The following TMEM81 variants were observed in gnomAD, a reference collection of about 807,000 sequenced individuals.
TMEM81 encodes transmembrane protein 81.
For missense variants in TMEM81, 294 were observed against 300.5 expected (o/e 0.98, Z 0.16); for synonymous variants, 132 against 119.1 (o/e 1.11, Z -0.71).
chr1:205,083,883 C>T lies in TMEM81; in HGVS notation c.438G>A (p.Lys146=), dbSNP rs764946923. 1.2e-6 allele frequency: 2 copies of T among 1,614,190 alleles called. No individual in the cohort carries two copies. The highest frequency in any genetic ancestry group is 1.7e-5 in the Admixed American group (1 of 60,034). Residue 146 remains lysine (K), a synonymous_variant, in exon 1 of 1, where the codon AAG becomes AAA. Transcript: ENST00000367167. ...AGTCATACTCCTGAGCATATTTAAA[C>T]TTCACAAAGTGGGAGTTGGCTTGAA... ...KPFQANSHFV[K]FKYAQEYDSG... is the part of the protein sequence containing the mutation.
Position 205,084,269 on chromosome 1 carries a change from A to G in TMEM81, c.52T>C (p.Tyr18His). ...GGTGTAGTCACCACCAAAGGCAGGT[A>G]GAAGGCCAACCCCAGGCTCCCAAGG... Reference protein sequence around the residue: ...FVLGSLGLAFYLPLVVTTPKT... With the variant: ...FVLGSLGLAFHLPLVVTTPKT... Residue 18 changes from tyrosine to histidine, a missense_variant, in exon 1 of 1, where the codon TAC becomes CAC. By Grantham distance (83) the Tyr-to-His change is moderately conservative. Coordinates refer to ENST00000367167, the MANE Select transcript of TMEM81 (RefSeq NM_203376.2). The G allele has an allele frequency of 6.2e-7, 1 of 1,614,114 alleles. No homozygotes were observed. The highest frequency in any genetic ancestry group is 8.5e-7 in the Non-Finnish European group (1 of 1,180,024).
chr1:205,084,414 A>G lies in TMEM81; in HGVS notation c.-94T>C, dbSNP rs1413164832. 2.2e-6 allele frequency: 3 copies of G among 1,333,668 alleles called. No homozygotes were observed. In the African/African-American group the frequency reaches 4.4e-5, roughly 20 times the overall value. The allele number at this position is 1,333,668 out of a possible 1,614,324, so 82.6% of individuals were successfully genotyped here. On this transcript the variant is annotated 5_prime_UTR_variant, in exon 1 of 1. Transcript: ENST00000367167. ...CATAACTTGATTCCTTTGACATGAG[A>G]TATCCTTCAAAGTCAAAAGATATGA...
chr1:205,084,087 G>T lies in TMEM81; in HGVS notation c.234C>A (p.Arg78=). Residue 78 remains arginine, a synonymous_variant, in exon 1 of 1, where the codon CGC becomes CGA. Coordinates refer to ENST00000367167, the MANE Select transcript of TMEM81 (RefSeq NM_203376.2). ...AGATCCAGTTGGTCAGACATTCTAA[G>T]CGCCGAGTCTGACATTTCCTTCTCA... The part of the protein sequence containing the change: ...DGVRRKCQTR[R]LECLTNWICG... 1 of 1,614,208 alleles carries T rather than the reference G, an allele frequency of 6.2e-7. No homozygotes were observed. The highest frequency in any genetic ancestry group is 8.5e-7 in the Non-Finnish European group (1 of 1,180,036).
rs201706224 is a variant in TMEM81 at position 205,083,588 on chromosome 1, C to T, written c.733G>A (p.Val245Ile). Residue 245 changes from valine (V) to isoleucine (I), a missense_variant, in exon 1 of 1, where the codon GTC becomes ATC. By Grantham distance (29) the Val-to-Ile change is conservative. Transcript: ENST00000367167. ...AGGCCCCCCCTTAGCGCACAGAGGA[C>T]AATCCTCACCAACACGCCACCAACC... ...GVVGGVLVRIVLCALRGGLQQ is the reference protein window; with the variant it reads ...GVVGGVLVRIILCALRGGLQQ 6.8e-6 allele frequency: 11 copies of T among 1,613,688 alleles called. No individual in the cohort carries two copies. The East Asian group carries it at 1.8e-4, about 26-fold the overall frequency.
In TMEM81 at chr1:205,084,000, T is replaced by C. The variant is rs1655070227; in HGVS notation, c.321A>G (p.Ser107=). ...CTTCCTGTCCAAACTCCAAGATGTC[T>C]GAACTCAGACAGCTAAGCTCAAATT... is the stretch of plus-strand genomic sequence containing the variant. ...GKEFELSCLS[S]DILEFGQEAF... is the part of the protein sequence containing the mutation. Residue 107 remains serine, a synonymous_variant, in exon 1 of 1, where the codon TCA becomes TCG. Transcript: ENST00000367167. The C allele has an allele frequency of 6.8e-6, 11 of 1,614,240 alleles. No individual in the cohort carries two copies. The highest frequency in any genetic ancestry group is 9.3e-6 in the Non-Finnish European group (11 of 1,180,046).
At position 205,084,034 on chromosome 1, in the gene TMEM81, A is replaced by G. The variant is rs1240684032; in HGVS notation, c.287T>C (p.Ile96Thr). The G allele has an allele frequency of 1.2e-6, 2 of 1,614,090 alleles. No individual in the cohort carries two copies. The highest frequency in any genetic ancestry group is 3.3e-5 in the Admixed American group (2 of 60,004). The change falls in exon 1 of 1, where the codon ATT becomes ACT. Residue 96 changes from isoleucine (I) to threonine (T), a missense_variant. Coordinates refer to ENST00000367167, the MANE Select transcript of TMEM81 (RefSeq NM_203376.2). The stretch of plus-strand genomic sequence containing the variant: ...ACAGCTAAGCTCAAATTCCTTGCCA[A>G]TGAGAATGGTGAAATGGAGCATCCC... ...ICGMLHFTIL[I>T]GKEFELSCLS... is the part of the protein sequence containing the mutation.
rs532869064 is a variant in TMEM81 at position 205,083,611 on chromosome 1, A to G, written c.710T>C (p.Val237Ala). 5 of 1,614,114 alleles carry G rather than the reference A, an allele frequency of 3.1e-6. No homozygotes were observed. The East Asian group carries it at 1.1e-4, about 36-fold the overall frequency. Residue 237 changes from valine to alanine, a missense_variant, in exon 1 of 1, where the codon GTT becomes GCT. Transcript: ENST00000367167. ...ALGIGIAIGV[V>A]GGVLVRIVLC... ...GACAATCCTCACCAACACGCCACCA[A>G]CCACTCCAATGGCAATTCCTATTCC...
In TMEM81 at chr1:205,083,792, C is replaced by CA; in HGVS notation, c.528dup (p.Gly177TrpfsTer8). 6 of 1,614,170 alleles carry CA rather than the reference C, an allele frequency of 3.7e-6. No individual in the cohort carries two copies. Among genetic ancestry groups the CA allele is most frequent in the Non-Finnish European group, 5.1e-6 (6 of 1,180,024 alleles). On this transcript the variant is annotated frameshift_variant, in exon 1 of 1. Transcript: ENST00000367167. LOFTEE classifies it low-confidence loss of function (END_TRUNC). ...AAGTTAGGAGGAAGGACCCTCAACC[C>CA]AAAATAGAGCCTCTTGACGAGTCTC...
Position 205,083,942 on chromosome 1 carries a change from C to T in TMEM81, c.379G>A (p.Val127Ile), listed in dbSNP as rs117579862. The T allele has an allele frequency of 4.9e-4, 789 of 1,614,212 alleles. 8 individuals carry two copies. The East Asian group carries it at 0.012, about 25-fold the overall frequency. ...AAGACCTCATCGTCAGTGGAGATGACACCTCGAGCAAGTCTCCAGGTGAAC... is the reference window on the plus strand; with the variant it reads ...AAGACCTCATCGTCAGTGGAGATGATACCTCGAGCAAGTCTCCAGGTGAAC... ...FRFTWRLARG[V>I]ISTDDEVFKP... The change falls in exon 1 of 1, where the codon GTC becomes ATC. Residue 127 changes from valine (V) to isoleucine (I), a missense_variant. By Grantham distance (29) the Val-to-Ile change is conservative (BLOSUM62 3). Coordinates refer to ENST00000367167, the MANE Select transcript of TMEM81 (RefSeq NM_203376.2).
In TMEM81 at chr1:205,084,294, G is replaced by A. The variant is rs1287107766; in HGVS notation, c.27C>T (p.Val9=). Reference sequence around the variant, plus strand: ...AGAAGGCCAACCCCAGGCTCCCAAGGACAAAACTAGTGGCTAAAACCTTCA... The same window carrying A: ...AGAAGGCCAACCCCAGGCTCCCAAGAACAAAACTAGTGGCTAAAACCTTCA... MKVLATSF[V]LGSLGLAFYL... is the part of the protein sequence containing the mutation. Residue 9 remains valine (V), a synonymous_variant, in exon 1 of 1, where the codon GTC becomes GTT. Coordinates refer to ENST00000367167, the MANE Select transcript of TMEM81 (RefSeq NM_203376.2). 2 of 1,613,702 alleles carry A rather than the reference G, an allele frequency of 1.2e-6. No individual in the cohort carries two copies. Among genetic ancestry groups the A allele is most frequent in the African/African-American group, 1.3e-5 (1 of 74,814 alleles).
chr1:205,084,075 C>A lies in TMEM81; in HGVS notation c.246G>T (p.Leu82=). ...GGAGCATCCCACAGATCCAGTTGGT[C>A]AGACATTCTAAGCGCCGAGTCTGAC... ...RKCQTRRLEC[L]TNWICGMLHF... The change falls in exon 1 of 1, where the codon CTG becomes CTT. Residue 82 remains leucine (L), a synonymous_variant. Coordinates refer to ENST00000367167, the MANE Select transcript of TMEM81 (RefSeq NM_203376.2). 6.2e-7 allele frequency: 1 copy of A among 1,614,214 alleles called. No homozygotes were observed. Among genetic ancestry groups the A allele is most frequent in the South Asian group, 1.1e-5 (1 of 91,082 alleles).
rs1367067687 is a variant in TMEM81 at position 205,083,946 on chromosome 1, TC to T, written c.374del (p.Arg125GlnfsTer21). On this transcript the variant is annotated frameshift_variant, in exon 1 of 1. Transcript: ENST00000367167. LOFTEE classifies it low-confidence loss of function (END_TRUNC). ...EAFRFTWRLARGVISTDDEVF... is the reference protein window; with the variant it reads ...EAFRFTWRLAXGVISTDDEVF... ...CCTCATCGTCAGTGGAGATGACACC[TC>T]GAGCAAGTCTCCAGGTGAACCGGAA... The T allele has an allele frequency of 2.5e-6, 4 of 1,614,162 alleles. No homozygotes were observed. The highest frequency in any genetic ancestry group is 3.4e-6 in the Non-Finnish European group (4 of 1,180,042).
chr1:205,083,784 C>T lies in TMEM81; in HGVS notation c.537G>A (p.Arg179=). 1 of 1,614,176 alleles carries T rather than the reference C, an allele frequency of 6.2e-7. No individual in the cohort carries two copies. Among genetic ancestry groups the T allele is most frequent in the South Asian group, 1.1e-5 (1 of 91,082 alleles). ...GATTCACCAAGTTAGGAGGAAGGAC[C>T]CTCAACCCAAAATAGAGCCTCTTGA... ...RLVKRLYFGL[R]VLPPNLVNLN... Residue 179 remains arginine (R), a synonymous_variant, in exon 1 of 1, where the codon AGG becomes AGA. Coordinates refer to ENST00000367167, the MANE Select transcript of TMEM81 (RefSeq NM_203376.2).
In TMEM81 at chr1:205,083,660, T is replaced by C; in HGVS notation, c.661A>G (p.Lys221Glu). The change falls in exon 1 of 1, where the codon AAA becomes GAA. Residue 221 changes from lysine to glutamate, a missense_variant. Physicochemically the swap from Lys to Glu is moderately conservative, Grantham distance 56. Transcript: ENST00000367167. ...SYSKPHHPKW[K>E]KKVASALGIG... ...CCCAAGGCTGACGCCACCTTCTTTT[T>C]CCACTTTGGGTGGTGAGGCTTGGAG... 1 of 1,614,230 alleles carries C rather than the reference T, an allele frequency of 6.2e-7. No individual in the cohort carries two copies. The highest frequency in any genetic ancestry group is 1.1e-5 in the South Asian group (1 of 91,088).
rs1278408658 is a variant in TMEM81 at position 205,084,455 on chromosome 1, T to C, written c.-135A>G. ...AAAGATATGATGCATGTATTGTCAA[T>C]AAAACAACACAACTTAATAAATAAA... On this transcript the variant is annotated 5_prime_UTR_variant, in exon 1 of 1. Transcript: ENST00000367167. 4 of 908,040 alleles carry C rather than the reference T, an allele frequency of 4.4e-6. No homozygotes were observed. Among genetic ancestry groups the C allele is most frequent in the African/African-American group, 1.7e-5 (1 of 59,510 alleles). The allele number at this position is 908,040 out of a possible 1,614,324, so 56.2% of individuals were successfully genotyped here. A position where few individuals can be genotyped will look rare whatever the true frequency, so the allele number is the denominator to read the frequency against.
rs1259491617 is a variant in TMEM81 at position 205,083,612 on chromosome 1, C to A, written c.709G>T (p.Val237Phe). The change falls in exon 1 of 1, where the codon GTT becomes TTT. Residue 237 changes from valine (V) to phenylalanine (F), a missense_variant. Physicochemically the swap from Val to Phe is conservative, Grantham distance 50. Transcript: ENST00000367167. ...ALGIGIAIGV[V>F]GGVLVRIVLC... The stretch of plus-strand genomic sequence containing the variant: ...ACAATCCTCACCAACACGCCACCAA[C>A]CACTCCAATGGCAATTCCTATTCCC... 1.2e-6 allele frequency: 2 copies of A among 1,614,206 alleles called. No individual in the cohort carries two copies. The highest frequency in any genetic ancestry group is 1.7e-6 in the Non-Finnish European group (2 of 1,180,036).
chr1:205,083,989 T>TC lies in TMEM81; in HGVS notation c.331dup (p.Glu111GlyfsTer21), dbSNP rs779922670. The TC allele has an allele frequency of 1.2e-6, 2 of 1,614,104 alleles. No homozygotes were observed. The highest frequency in any genetic ancestry group is 1.7e-6 in the Non-Finnish European group (2 of 1,180,024). On this transcript the variant is annotated frameshift_variant, in exon 1 of 1. Coordinates refer to ENST00000367167, the MANE Select transcript of TMEM81 (RefSeq NM_203376.2). LOFTEE classifies it low-confidence loss of function (END_TRUNC). The stretch of plus-strand genomic sequence containing the variant: ...GAACCGGAAAGCTTCCTGTCCAAAC[T>TC]CCAAGATGTCTGAACTCAGACAGCT...
At position 205,083,751 on chromosome 1, in the gene TMEM81, G is replaced by T. The variant is rs755525456; in HGVS notation, c.570C>A (p.Phe190Leu). ...TCTGATCCTCAGTAAGTGACTGATG[G>T]AAATTCAGATTCACCAAGTTAGGAG... Reference protein sequence around the residue: ...VLPPNLVNLNFHQSLTEDQKL... With the variant: ...VLPPNLVNLNLHQSLTEDQKL... The change falls in exon 1 of 1, where the codon TTC becomes TTA. Residue 190 changes from phenylalanine to leucine, a missense_variant. By Grantham distance (22) the Phe-to-Leu change is conservative. Transcript: ENST00000367167. The T allele has an allele frequency of 1.2e-6, 2 of 1,614,142 alleles. No homozygotes were observed. The highest frequency in any genetic ancestry group is 2.2e-5 in the South Asian group (2 of 91,078).
rs780576054 is a variant in TMEM81, at chr1:205,084,290, C to CAAGG, written c.27_30dup (p.Gly11ProfsTer18). ...AGGTAGAAGGCCAACCCCAGGCTCCCAAGGACAAAACTAGTGGCTAAAACC... is the reference window on the plus strand; with the variant it reads ...AGGTAGAAGGCCAACCCCAGGCTCCCAAGGAAGGACAAAACTAGTGGCTAAAACC... On this transcript the variant is annotated frameshift_variant, in exon 1 of 1. Coordinates refer to ENST00000367167, the MANE Select transcript of TMEM81 (RefSeq NM_203376.2). LOFTEE classifies it low-confidence loss of function (END_TRUNC). The CAAGG allele has an allele frequency of 6.2e-7, 1 of 1,613,948 alleles. No individual in the cohort carries two copies. The highest frequency in any genetic ancestry group is 8.5e-7 in the Non-Finnish European group (1 of 1,179,960).
Sources: gnomAD v4.1 joint callset for allele counts on GRCh38, gnomAD v4.1.1 for gene constraint, MANE v1.5 for transcripts, NCBI Gene and HGNC (gene_info 2026-07-23, HGNC 2026-07-21) for gene names.